The following NRXN3 variants were observed in gnomAD, a reference collection of about 807,000 sequenced individuals.
NRXN3 encodes neurexin III.
Under a neutral mutation model 137.6 loss-of-function variants are expected in NRXN3, and 32 were observed. The ratio of observed to expected loss-of-function variants is 0.23; its 90% CI spans 0.18 to 0.31. The LOEUF (loss-of-function observed/expected upper bound fraction) is 0.31. NRXN3 is among the 10% of genes least tolerant of loss of function. The probability of loss-of-function intolerance (pLI) is 1.00; values close to 1 mark genes in which losing one functional copy is unlikely to be tolerated. For missense variants in NRXN3, 1,574 were observed against 2,062.5 expected (o/e 0.76, Z 4.59); for synonymous variants, 798 against 784.5 (o/e 1.02, Z -0.29).
intron 10 of NRXN3, among the ~76,000 whole-genome samples, chr14:78,869,172 G>A (rs999844665): frequency 1.3e-5 from 2 of 152,088 alleles, no homozygotes; most frequent in Non-Finnish European, 2.9e-5. Context: ...ATGAAGTTTG[G>A]AATTTTTCTT....
chr14:78,819,579 A>G (rs1412755687), intron 10 of NRXN3, among the ~76,000 whole-genome samples: 1 of 152,156 alleles, frequency 6.6e-6, no homozygotes, highest in Non-Finnish European at 1.5e-5. Flanking sequence ...TCTCATGGAC[A>G]CCAAATTAGG....
chr14:78,400,952 A>G (rs977543057), intron 4 of NRXN3, among the ~76,000 whole-genome samples: 1 of 152,198 alleles, frequency 6.6e-6, no homozygotes, highest in Non-Finnish European at 1.5e-5. Flanking sequence ...TTTATTTCTC[A>G]CAGTTCTGGA....
intron 4 of NRXN3, among the ~76,000 whole-genome samples, chr14:78,558,548 A>G (rs2096759131): frequency 6.6e-6 from 1 of 152,012 alleles, no homozygotes; most frequent in Non-Finnish European, 1.5e-5. Context: ...AGTTCTGCCT[A>G]GATAGTTGCT....
intron 15 of NRXN3, among the ~76,000 whole-genome samples, chr14:79,142,419 CCGT>C (rs1277392666): frequency 6.6e-6 from 1 of 150,990 alleles, no homozygotes; most frequent in Non-Finnish European, 1.5e-5. Flanking sequence ...TAGTGAGACT[CCGT>C]TTCAAAAAAA....
At chr14:78,265,089 T>C (rs1187720109) in intron 2 of NRXN3, among the ~76,000 whole-genome samples, 1 of 152,240 alleles carries the variant, frequency 6.6e-6, no homozygotes, top group East Asian at 1.9e-4. Flanking sequence ...GCCGTACTCT[T>C]TTTCTGAATA....
chr14:79,025,939 C>T (rs2099597326), intron 15 of NRXN3, among the ~76,000 whole-genome samples: 1 of 152,100 alleles, frequency 6.6e-6, no homozygotes, highest in African/African-American at 2.4e-5. Flanking sequence ...AGTTTGTTGC[C>T]TCTTAGTCAC....
rs1366332364 is a variant in NRXN3, at chr14:79,430,804, AC to A, written c.3263-36416del. 4.6e-5 allele frequency among the ~76,000 whole-genome samples: 7 copies of A among 152,170 alleles called. 1 individual carries two copies. The highest frequency in any genetic ancestry group is 1.7e-4 in the African/African-American group (7 of 41,450). ...TATAAGGAGATAATTTTTGCTTATT[AC>A]TAATTAGCTTACCCCTCTTCTGCTG... On this transcript the variant is annotated intron_variant, in intron 15 of 20. Coordinates refer to ENST00000335750, the MANE Select transcript of NRXN3 (RefSeq NM_001330195.2).
intron 8 of NRXN3, among the ~76,000 whole-genome samples, chr14:78,741,676 A>G (rs1430171915): frequency 6.6e-6 from 1 of 152,140 alleles, no homozygotes; most frequent in Non-Finnish European, 1.5e-5. Context: ...TGCAATAAGA[A>G]CACTTAAGAT....
At chr14:79,007,020 C>A (rs2099554450) in intron 15 of NRXN3, among the ~76,000 whole-genome samples, 1 of 152,162 alleles carries the variant, frequency 6.6e-6, no homozygotes, top group Non-Finnish European at 1.5e-5. Flanking sequence ...ATATGTGCAG[C>A]ATTTCTTTTT....
chr14:79,252,717 G>A (rs1398267216), intron 15 of NRXN3, among the ~76,000 whole-genome samples: 1 of 152,152 alleles, frequency 6.6e-6, no homozygotes, highest in African/African-American at 2.4e-5. Flanking sequence ...CCTTTCCAAA[G>A]TGATGACAAA....
At chr14:79,474,040 G>T (rs7144011) in intron 16 of NRXN3, among the ~76,000 whole-genome samples, 31,541 of 152,052 alleles carry the variant, frequency 0.21, 3,411 homozygotes, top group African/African-American at 0.23. Context: ...TGTTTACTTT[G>T]ATTCCACACA....
chr14:79,828,637 A>AGG (rs1371280520), intron 20 of NRXN3, among the ~76,000 whole-genome samples: 2 of 121,636 alleles, frequency 1.6e-5, no homozygotes, highest in South Asian at 5.9e-4. Context: ...AAAAAAAAAA[A>AGG]AAAGTAAAAT....
At position 78,968,153 on chromosome 14, in the gene NRXN3, C is replaced by T. The variant is rs368293014; in HGVS notation, c.2969-20C>T. The T allele has an allele frequency of 5.5e-6, 8 of 1,446,232 alleles. No individual in the cohort carries two copies. Among genetic ancestry groups the T allele is most frequent in the Middle Eastern group, 3.8e-4 (2 of 5,218 alleles). 89.6% of individuals were successfully genotyped at this position (1,446,232 alleles called of 1,614,324 possible). A position where few individuals can be genotyped will look rare whatever the true frequency, so the allele number is the denominator to read the frequency against. ...CACATCCTTTACTCATTCTCTTTTG[C>T]TAATTACTTTCCTTTCCAGGTGATC... is the stretch of plus-strand genomic sequence containing the variant. On this transcript the variant is annotated intron_variant, in intron 13 of 20. Coordinates refer to ENST00000335750, the MANE Select transcript of NRXN3 (RefSeq NM_001330195.2).
intron 4 of NRXN3, among the ~76,000 whole-genome samples, chr14:78,394,266 T>G (rs917015337): frequency 6.6e-6 from 1 of 151,916 alleles, no homozygotes; most frequent in African/African-American, 2.4e-5. Context: ...TCATCTCTAT[T>G]TTTATTCTTC....
At chr14:79,833,019 G>A (rs2099328095) in intron 20 of NRXN3, among the ~76,000 whole-genome samples, 1 of 152,104 alleles carries the variant, frequency 6.6e-6, no homozygotes, top group African/African-American at 2.4e-5. Flanking sequence ...CTACTATTCA[G>A]TGACTAATAT....
intron 4 of NRXN3, among the ~76,000 whole-genome samples, chr14:78,385,459 T>C (rs1438431571): frequency 6.6e-6 from 1 of 152,182 alleles, no homozygotes; most frequent in Non-Finnish European, 1.5e-5. Flanking sequence ...GTGTTAAAAA[T>C]AGTGTTCTAT....
In NRXN3 at chr14:78,266,112, T is replaced by C. The variant is rs376721048; in HGVS notation, c.710-12533T>C. Among the ~76,000 whole-genome samples the C allele has an allele frequency of 5.9e-5, 9 of 152,240 alleles. No individual in the cohort carries two copies. In the East Asian group the frequency reaches 1.5e-3, roughly 26 times the overall value. ...TTTTTCTCTGTTATCTCTGAAACAA[T>C]CTGAGAAACACCTCCTTTTTTTGTT... On this transcript the variant is annotated intron_variant, in intron 2 of 20. Coordinates refer to ENST00000335750, the MANE Select transcript of NRXN3 (RefSeq NM_001330195.2).
At chr14:78,424,583 C>G (rs1259630789) in intron 4 of NRXN3, among the ~76,000 whole-genome samples, 1 of 152,082 alleles carries the variant, frequency 6.6e-6, no homozygotes, top group Admixed American at 6.5e-5. Context: ...AAGCATTTAT[C>G]AAAGAATGAG....
chr14:78,772,248 T>A (rs1355048178), intron 8 of NRXN3, among the ~76,000 whole-genome samples: 1 of 152,166 alleles, frequency 6.6e-6, no homozygotes, highest in Non-Finnish European at 1.5e-5. Context: ...AAAATGTATG[T>A]AAATGAAAAG....
Sources: gnomAD v4.1 joint callset for allele counts (sites outside exome capture counted in the v4.1 genomes callset) on GRCh38, gnomAD v4.1.1 for gene constraint, MANE v1.5 for transcripts, NCBI Gene and HGNC (gene_info 2026-07-23, HGNC 2026-07-21) for gene names.